Variants in ELOVL7 observed in about 807,000 individuals in gnomAD.
The protein encoded by ELOVL7 is very long chain fatty acid elongase 7.
In ELOVL7, 27 loss-of-function variants were observed where a neutral mutation model predicts 35.7. That is an observed-to-expected ratio of 0.76 (90% confidence interval 0.56 to 1.04). The LOEUF is 1.04. Among genes scored for constraint, ELOVL7 ranks in the 50% least tolerant of loss-of-function variants. The pLI is 0.00. For synonymous variants in ELOVL7, 113 were observed against 114.6 expected (o/e 0.99, Z 0.09); for missense variants, 327 against 340.8 (o/e 0.96, Z 0.32).
At chr5:60,807,771 A>G (rs55809585) in intron 1 of ELOVL7, among the ~76,000 whole-genome samples, 122,520 of 151,398 alleles carry the variant, frequency 0.81, 49,812 homozygotes, top group East Asian at 0.9. Flanking sequence ...AGGCCGAGGC[A>G]GGTGGATCAC....
chr5:60,761,674 A>G (rs1234592903), intron 7 of ELOVL7, among the ~76,000 whole-genome samples: 1 of 152,198 alleles, frequency 6.6e-6, no homozygotes, highest in East Asian at 1.9e-4. Flanking sequence ...GTTTTTTCAT[A>G]AAAGGTATAT....
chr5:60,802,075 T>C (rs1744656184), intron 1 of ELOVL7, among the ~76,000 whole-genome samples: 1 of 6,784 alleles, frequency 1.5e-4, no homozygotes, highest in African/African-American at 8.3e-4. Context: ...TATATATATA[T>C]ATATATATAT....
intron 2 of ELOVL7, among the ~76,000 whole-genome samples, chr5:60,791,764 T>C (rs1743952864): frequency 6.6e-6 from 1 of 152,186 alleles, no homozygotes; most frequent in South Asian, 2.1e-4. Context: ...ACCACTGATA[T>C]ACCAGCCCTT....
At chr5:60,827,516 G>A (rs777564780) in intron 1 of ELOVL7, among the ~76,000 whole-genome samples, 92 of 152,102 alleles carry the variant, frequency 6.0e-4, no homozygotes, top group Non-Finnish European at 1.1e-3. Context: ...TTTTATACAA[G>A]ATACTCAAAT....
chr5:60,817,068 A>G (rs1032861092), intron 1 of ELOVL7, among the ~76,000 whole-genome samples: 17 of 152,182 alleles, frequency 1.1e-4, no homozygotes, highest in African/African-American at 4.1e-4. Flanking sequence ...ACAATGACAC[A>G]AAACATAGAA....
intron 2 of ELOVL7, 166 bp from the exon 3 acceptor site, chr5:60,787,597 T>C (rs1261302022): frequency 6.7e-6 from 3 of 450,450 alleles, no homozygotes; most frequent in Middle Eastern, 6.0e-4. Context: ...TAAACCCTGA[T>C]GCAGTTGCAG....
Position 60,771,902 on chromosome 5 carries a change from C to T in ELOVL7, c.255+1G>A. 6.3e-7 allele frequency: 1 copy of T among 1,588,462 alleles called. No individual in the cohort carries two copies. ...CCATTAGGAATACTGAAGACACTTG[C>T]CTCATAACACATATACACAGAAAAG... On this transcript the variant is annotated splice_donor_variant, in intron 4 of 8. Transcript: ENST00000508821. LOFTEE classifies it high-confidence loss of function.
At chr5:60,771,341 T>C (rs1440795687) in intron 4 of ELOVL7, among the ~76,000 whole-genome samples, 4 of 152,134 alleles carry the variant, frequency 2.6e-5, no homozygotes, top group African/African-American at 9.7e-5. Context: ...GGGACAGTAA[T>C]GAATTAATGA....
At chr5:60,780,803 G>A (rs1579820384) in intron 3 of ELOVL7, among the ~76,000 whole-genome samples, 1 of 152,198 alleles carries the variant, frequency 6.6e-6, no homozygotes, top group Admixed American at 6.5e-5. Context: ...CCATGATTCA[G>A]TTACCTCCCA....
At chr5:60,819,951 T>G (rs1220234556) in intron 1 of ELOVL7, among the ~76,000 whole-genome samples, 1 of 152,216 alleles carries the variant, frequency 6.6e-6, no homozygotes, top group African/African-American at 2.4e-5. Flanking sequence ...AATAGGGATT[T>G]ACCCTGGAAT....
chr5:60,802,117 T>C (rs11741391), intron 1 of ELOVL7, among the ~76,000 whole-genome samples: 2,366 of 11,256 alleles, frequency 0.21, 130 homozygotes, highest in South Asian at 0.38. Flanking sequence ...TATATATATA[T>C]ACACACACAC....
At chr5:60,768,983 GAAAC>G (rs1399041653) in intron 4 of ELOVL7, among the ~76,000 whole-genome samples, 1 of 152,088 alleles carries the variant, frequency 6.6e-6, no homozygotes, top group African/African-American at 2.4e-5. Flanking sequence ...GTAAAGAAAA[GAAAC>G]AAAGGAGAAG....
At chr5:60,807,166 T>G (rs560122745) in intron 1 of ELOVL7, among the ~76,000 whole-genome samples, 137 of 151,690 alleles carry the variant, frequency 9.0e-4, no homozygotes, top group African/African-American at 3.2e-3. Flanking sequence ...CTAATTTTGT[T>G]TTTTTTTTCT....
intron 1 of ELOVL7, among the ~76,000 whole-genome samples, chr5:60,834,496 A>C (rs1350712438): frequency 1.3e-5 from 2 of 152,158 alleles, no homozygotes; most frequent in African/African-American, 4.8e-5. Context: ...TATTAATGAA[A>C]GCCCAATTTA....
In ELOVL7 at chr5:60,756,423, A is replaced by T. The variant is rs114516169; in HGVS notation, c.636+1086T>A. On this transcript the variant is annotated intron_variant, in intron 8 of 8. Coordinates refer to ENST00000508821, the MANE Select transcript of ELOVL7 (RefSeq NM_024930.3). ...TAATTAGGTGTTCTCACGTATTTGC[A>T]ATGAGCATATACTACTTTGAGAAAA... Among the ~76,000 whole-genome samples, 857 of 152,304 alleles carry T rather than the reference A, an allele frequency of 5.6e-3. 10 individuals carry two copies. The highest frequency in any genetic ancestry group is 0.017 in the Middle Eastern group (5 of 294).
At chr5:60,820,683 C>T (rs534773517) in intron 1 of ELOVL7, among the ~76,000 whole-genome samples, 3 of 152,300 alleles carry the variant, frequency 2.0e-5, no homozygotes, top group South Asian at 2.1e-4. Context: ...TTCTATTATT[C>T]GTTCTCCCAA....
At chr5:60,777,865 T>C (rs946574579) in intron 3 of ELOVL7, among the ~76,000 whole-genome samples, 2 of 152,056 alleles carry the variant, frequency 1.3e-5, no homozygotes, top group Admixed American at 1.3e-4. Flanking sequence ...AAAGGGGAAA[T>C]AAAATGGGGA....
chr5:60,778,771 G>A (rs1006662586), intron 3 of ELOVL7, among the ~76,000 whole-genome samples: 3 of 152,070 alleles, frequency 2.0e-5, no homozygotes, highest in Non-Finnish European at 4.4e-5. Context: ...CATGCCTTCC[G>A]AACAATCCCC....
intron 7 of ELOVL7, 80 bp from the exon 8 acceptor site, chr5:60,757,725 A>T: frequency 7.7e-7 from 1 of 1,306,270 alleles, no homozygotes; most frequent in Non-Finnish European, 1.0e-6. Flanking sequence ...AGATTTTTGT[A>T]TAATTATTTC....
Sources: gnomAD v4.1 joint callset for allele counts (sites outside exome capture counted in the v4.1 genomes callset) on GRCh38, gnomAD v4.1.1 for gene constraint, MANE v1.5 for transcripts, NCBI Gene and HGNC (gene_info 2026-07-23, HGNC 2026-07-21) for gene names.